DCDC1: variants seen among roughly 807,000 people sequenced by gnomAD.
The protein encoded by DCDC1 is doublecortin domain containing 1.
A neutral mutation model predicts 178.3 loss-of-function variants in DCDC1; 200 were observed. The ratio of observed to expected loss-of-function variants is 1.12; its 90% confidence interval spans 1.00 to 1.26. DCDC1 has a LOEUF of 1.26. DCDC1 is among the 50% of genes most tolerant of loss of function. The probability of loss-of-function intolerance (pLI) is 0.00; values close to 1 mark genes in which losing one functional copy is unlikely to be tolerated. For missense variants in DCDC1, 1,983 were observed against 1,749.2 expected, an observed-to-expected ratio of 1.13 and a Z score of -2.38; for synonymous variants, 690 against 604.8, an observed-to-expected ratio of 1.14 and a Z score of -2.07.
chr11:31,207,261 A>G (rs1971966314), intron 9 of DCDC1, among the ~76,000 whole-genome samples: 1 of 152,178 alleles, frequency 6.6e-6, no homozygotes, highest in Non-Finnish European at 1.5e-5. Flanking sequence ...GTTTGTTATT[A>G]CTAAAACTAA....
intron 9 of DCDC1, among the ~76,000 whole-genome samples, chr11:31,140,668 A>T (rs1963708897): frequency 6.6e-6 from 1 of 152,172 alleles, no homozygotes; most frequent in South Asian, 2.1e-4. Flanking sequence ...GTCAAAGAAA[A>T]CTGAACAAAA....
intron 13 of DCDC1, among the ~76,000 whole-genome samples, chr11:31,104,055 G>A (rs983865482): frequency 2.0e-5 from 3 of 151,988 alleles, no homozygotes; most frequent in Middle Eastern, 3.2e-3. Context: ...AAAAACAATC[G>A]TCATTCACAT....
intron 9 of DCDC1, among the ~76,000 whole-genome samples, chr11:31,213,409 A>C (rs1973087882): frequency 6.6e-6 from 1 of 151,946 alleles, no homozygotes; most frequent in Non-Finnish European, 1.5e-5. Context: ...CCCAAAGCTT[A>C]ACACAGGCAT....
intron 34 of DCDC1, among the ~76,000 whole-genome samples, chr11:30,898,600 T>C (rs1944414760): frequency 1.3e-5 from 2 of 152,128 alleles, no homozygotes; most frequent in Admixed American, 6.5e-5. Flanking sequence ...GTTGGGGTAG[T>C]ATGACAGTTG....
chr11:31,273,750 C>T (rs1443805454), intron 7 of DCDC1, among the ~76,000 whole-genome samples: 4 of 152,190 alleles, frequency 2.6e-5, no homozygotes, highest in African/African-American at 7.2e-5. Flanking sequence ...CCATTTCACA[C>T]TGCTGAGAAA....
At chr11:31,331,561 TAC>T (rs770993342) in intron 2 of DCDC1, among the ~76,000 whole-genome samples, 38 of 152,236 alleles carry the variant, frequency 2.5e-4, no homozygotes, top group Non-Finnish European at 5.0e-4. Flanking sequence ...ATTCCATCAA[TAC>T]CTAGTTTATT....
At chr11:31,254,729 T>C (rs955212195) in intron 8 of DCDC1, among the ~76,000 whole-genome samples, 1 of 152,152 alleles carries the variant, frequency 6.6e-6, no homozygotes, top group African/African-American at 2.4e-5. Flanking sequence ...AGGGTGACCT[T>C]GGCTGGAACA....
At chr11:31,109,721 A>C (rs1228412554) in intron 12 of DCDC1, among the ~76,000 whole-genome samples, 1 of 152,170 alleles carries the variant, frequency 6.6e-6, no homozygotes, top group Non-Finnish European at 1.5e-5. Flanking sequence ...CAGGCTGTTC[A>C]GTGTCCTTTT....
intron 11 of DCDC1, among the ~76,000 whole-genome samples, chr11:31,120,141 G>A (rs754338869): frequency 3.3e-5 from 5 of 152,110 alleles, no homozygotes; most frequent in Non-Finnish European, 7.4e-5. Flanking sequence ...CTAGATGCTG[G>A]ATGAAGACAT....
intron 13 of DCDC1, among the ~76,000 whole-genome samples, chr11:31,105,615 C>T (rs1023908355): frequency 6.6e-6 from 1 of 151,718 alleles, no homozygotes; most frequent in African/African-American, 2.4e-5. Flanking sequence ...TATCTATGGA[C>T]AAAAACTTAC....
At chr11:31,278,742 T>C (rs1031132255) in intron 7 of DCDC1, among the ~76,000 whole-genome samples, 1 of 152,110 alleles carries the variant, frequency 6.6e-6, no homozygotes, top group African/African-American at 2.4e-5. Flanking sequence ...CATTCCACAA[T>C]GTAGGCATAT....
At chr11:30,912,599 G>C (rs1409030258) in intron 27 of DCDC1, among the ~76,000 whole-genome samples, 1 of 152,056 alleles carries the variant, frequency 6.6e-6, no homozygotes, top group Admixed American at 6.5e-5. Context: ...CAGTTATTCT[G>C]TTATAAGTAA....
intron 38 of DCDC1, among the ~76,000 whole-genome samples, chr11:30,870,403 G>A (rs1353230483): frequency 2.0e-5 from 3 of 152,176 alleles, no homozygotes; most frequent in Admixed American, 6.6e-5. Flanking sequence ...GCAGACCACT[G>A]TCACACCCAG....
intron 36 of DCDC1, among the ~76,000 whole-genome samples, chr11:30,889,904 C>T (rs1443608736): frequency 2.6e-5 from 4 of 152,096 alleles, no homozygotes; most frequent in African/African-American, 4.8e-5. Flanking sequence ...TGACTATATT[C>T]GAAGATAGAG....
intron 8 of DCDC1, among the ~76,000 whole-genome samples, chr11:31,246,711 T>C (rs777474759): frequency 2.0e-5 from 3 of 152,022 alleles, no homozygotes; most frequent in Non-Finnish European, 4.4e-5. Flanking sequence ...GCAGGGAAGA[T>C]TGAATGACGG....
chr11:30,926,789 A>T (rs1043991834), intron 22 of DCDC1, among the ~76,000 whole-genome samples: 1 of 152,146 alleles, frequency 6.6e-6, no homozygotes, highest in African/African-American at 2.4e-5. Flanking sequence ...CATTTCTCTA[A>T]GGTTAGCTTA....
intron 20 of DCDC1, among the ~76,000 whole-genome samples, chr11:30,992,160 T>C (rs1450202190): frequency 6.6e-6 from 1 of 152,210 alleles, no homozygotes; most frequent in Non-Finnish European, 1.5e-5. Context: ...CATTTGAGTG[T>C]ATGTTAACTA....
At chr11:30,954,162 C>G (rs146388675) in intron 20 of DCDC1, among the ~76,000 whole-genome samples, 2,953 of 151,812 alleles carry the variant, frequency 0.019, 94 homozygotes, top group African/African-American at 0.067. Context: ...ACTACAGGCG[C>G]CTGCCACCAC....
At chr11:31,219,617 G>T (rs532190917) in intron 9 of DCDC1, among the ~76,000 whole-genome samples, 2 of 152,086 alleles carry the variant, frequency 1.3e-5, no homozygotes, top group Admixed American at 1.3e-4. Context: ...CTTGAAAAGG[G>T]TTTTCATTCT....
Sources: gnomAD v4.1 joint callset for allele counts (sites outside exome capture counted in the v4.1 genomes callset) on GRCh38, gnomAD v4.1.1 for gene constraint, MANE v1.5 for transcripts, NCBI Gene and HGNC (gene_info 2026-07-23, HGNC 2026-07-21) for gene names.